NIPAL3: variants seen among roughly 807,000 people sequenced by gnomAD.
NIPAL3 encodes NIPA-like protein 3.
Under a neutral mutation model 47.2 loss-of-function variants are expected in NIPAL3, and 41 were observed. The ratio of observed to expected loss-of-function variants is 0.87; its 90% CI spans 0.68 to 1.13. The LOEUF is 1.13. Ranked by LOEUF, NIPAL3 falls within the 50% of genes most tolerant of loss-of-function variation. The pLI is 0.00. For missense variants in NIPAL3, 449 were observed against 530.1 expected, an observed-to-expected ratio of 0.85 and a Z score of 1.50; for synonymous variants, 194 against 209.6, an observed-to-expected ratio of 0.93 and a Z score of 0.64.
intron 2 of NIPAL3, among the ~76,000 whole-genome samples, chr1:24,423,558 A>AG (rs1179246423): frequency 2.0e-5 from 3 of 152,044 alleles, no homozygotes; most frequent in African/African-American, 7.2e-5. Flanking sequence ...TGAACCCGGG[A>AG]GGCAGAGCTT....
chr1:24,450,373 GTTATT>G (rs1033921801), intron 6 of NIPAL3, among the ~76,000 whole-genome samples: 1 of 152,108 alleles, frequency 6.6e-6, no homozygotes, highest in Admixed American at 6.6e-5. Flanking sequence ...ATTTAAGAAT[GTTATT>G]TTATTTTTTT....
intron 4 of NIPAL3, among the ~76,000 whole-genome samples, chr1:24,444,112 G>T (rs1156287350): frequency 6.6e-6 from 1 of 151,918 alleles, no homozygotes; most frequent in African/African-American, 2.4e-5. Flanking sequence ...AGGTCATCCA[G>T]TGAGGAGTAA....
rs1646095380 is a variant in NIPAL3, at chr1:24,454,375, G to C, written c.637+871G>C. The stretch of plus-strand genomic sequence containing the variant: ...AAGCCACGCTGTCCACTTCTCTAAA[G>C]GGGGGGCCTATGAGAACATCCAAGT... On this transcript the variant is annotated intron_variant, in intron 7 of 11. Transcript: ENST00000374399. This position sits in a 1 kb window ranked among gnomAD's most constrained non-coding sequence, Gnocchi z 4.1. The C allele has an allele frequency of 2.9e-6, 3 of 1,049,126 alleles. No individual in the cohort carries two copies. The highest frequency in any genetic ancestry group is 6.1e-5 in the South Asian group (2 of 33,024). 65.0% of individuals were successfully genotyped at this position (1,049,126 alleles called of 1,614,324 possible).
chr1:24,468,953 G>C (rs779646583), intron 11 of NIPAL3, 33 bp from the exon 12 acceptor site: 28 of 1,608,234 alleles, frequency 1.7e-5, no homozygotes, highest in Non-Finnish European at 2.3e-5. Flanking sequence ...CCCTTACCGC[G>C]TAATGATTTG....
Position 24,456,202 on chromosome 1 carries a change from C to T in NIPAL3, c.702C>T (p.Asn234=). Residue 234 remains asparagine, a synonymous_variant, in exon 8 of 12, where the codon AAC becomes AAT. Coordinates refer to ENST00000374399, the MANE Select transcript of NIPAL3 (RefSeq NM_020448.5). ...TGCTTGTCTTGTCCATTCAAGGGAA[C>T]CTGCAGCTTGACTACCCCATCTTCT... is the stretch of plus-strand genomic sequence containing the variant. The part of the protein sequence containing the change: ...AGMLVLSIQG[N]LQLDYPIFYV... The T allele has an allele frequency of 6.2e-7, 1 of 1,614,228 alleles. No individual in the cohort carries two copies. The highest frequency in any genetic ancestry group is 1.1e-5 in the South Asian group (1 of 91,090).
chr1:24,460,021 A>C (rs560374438), intron 9 of NIPAL3, among the ~76,000 whole-genome samples: 2 of 152,336 alleles, frequency 1.3e-5, no homozygotes, highest in East Asian at 3.9e-4. Flanking sequence ...TGAGGTTAGA[A>C]AGCTCTAACA....
At chr1:24,438,731 G>A (rs1261587126) in intron 2 of NIPAL3, among the ~76,000 whole-genome samples, 4 of 152,236 alleles carry the variant, frequency 2.6e-5, no homozygotes, top group Non-Finnish European at 5.9e-5. Flanking sequence ...CCGCCTTAAA[G>A]AATGGGCAGG....
chr1:24,448,828 A>G (rs1034263643), intron 5 of NIPAL3, among the ~76,000 whole-genome samples: 1 of 152,180 alleles, frequency 6.6e-6, no homozygotes, highest in Non-Finnish European at 1.5e-5. Context: ...AAATGCATAC[A>G]TGTGTTTCTC....
intron 2 of NIPAL3, 39 bp downstream of exon 2, chr1:24,419,679 T>C: frequency 2.5e-6 from 4 of 1,579,508 alleles, no homozygotes; most frequent in Non-Finnish European, 3.5e-6. Flanking sequence ...TGTATTTTCC[T>C]AGCAAGGAAG....
In NIPAL3 at chr1:24,419,388, A is replaced by G. The variant is rs1644207947; in HGVS notation, c.-160A>G. 7.5e-7 allele frequency: 1 copy of G among 1,336,400 alleles called. No homozygotes were observed. Among genetic ancestry groups the G allele is most frequent in the South Asian group, 2.0e-5 (1 of 51,118 alleles). 82.8% of individuals were successfully genotyped at this position (1,336,400 alleles called of 1,614,324 possible). A position where few individuals can be genotyped will look rare whatever the true frequency, so the allele number is the denominator to read the frequency against. ...AGTGAAGCTGAGGAGAAGGCTGTAA[A>G]TCTGCCAAAACAGCCTTGAAGTATT... On this transcript the variant is annotated 5_prime_UTR_variant, in exon 2 of 12. Transcript: ENST00000374399.
intron 11 of NIPAL3, chr1:24,466,022 G>T: frequency 6.2e-7 from 1 of 1,611,890 alleles, no homozygotes; most frequent in South Asian, 1.1e-5. Flanking sequence ...CTTCACAACA[G>T]ACAACTGCTG....
intron 2 of NIPAL3, among the ~76,000 whole-genome samples, chr1:24,424,363 A>T (rs1386393033): frequency 6.6e-6 from 1 of 152,170 alleles, no homozygotes; most frequent in African/African-American, 2.4e-5. Flanking sequence ...GGCTGTGTGG[A>T]TCAATGAAAA....
Position 24,419,591 on chromosome 1 carries a change from C to A in NIPAL3, c.44C>A (p.Pro15His). 6.2e-7 allele frequency: 1 copy of A among 1,614,084 alleles called. No homozygotes were observed. The highest frequency in any genetic ancestry group is 8.5e-7 in the Non-Finnish European group (1 of 1,179,996). The change falls in exon 2 of 12, where the codon CCT becomes CAT. Residue 15 changes from proline (P) to histidine (H), a missense_variant. By Grantham distance (77) the Pro-to-His change is moderately conservative. Transcript: ENST00000374399. ...HSAALKLQQL[P>H]PTSSSSAVSE... The stretch of plus-strand genomic sequence containing the variant: ...GCAGCCCTGAAGCTGCAGCAGCTGC[C>A]TCCCACAAGTAGCTCCAGCGCCGTA...
rs1206212022 is a variant in NIPAL3 at position 24,454,195 on chromosome 1, A to G, written c.637+691A>G. ...GCATGAGGCCCTGTACCTGGCTAGA[A>G]CTGCATATAATTTTATAGCTAAATA... is the stretch of plus-strand genomic sequence containing the variant. On this transcript the variant is annotated intron_variant, in intron 7 of 11. Coordinates refer to ENST00000374399, the MANE Select transcript of NIPAL3 (RefSeq NM_020448.5). This position sits in a 1 kb window ranked among gnomAD's most constrained non-coding sequence, Gnocchi z 4.1. The G allele has an allele frequency of 8.3e-7, 1 of 1,203,914 alleles. No individual in the cohort carries two copies. Among genetic ancestry groups the G allele is most frequent in the African/African-American group, 1.6e-5 (1 of 62,414 alleles). 74.6% of individuals were successfully genotyped at this position (1,203,914 alleles called of 1,614,324 possible).
At chr1:24,420,539 G>A (rs1272454337) in intron 2 of NIPAL3, among the ~76,000 whole-genome samples, 1 of 152,076 alleles carries the variant, frequency 6.6e-6, no homozygotes, top group Non-Finnish European at 1.5e-5. Context: ...AGGTATGTAT[G>A]TATATCACCT....
At chr1:24,450,572 G>A (rs771710586) in intron 6 of NIPAL3, among the ~76,000 whole-genome samples, 2 of 152,094 alleles carry the variant, frequency 1.3e-5, no homozygotes, top group Non-Finnish European at 2.9e-5. Flanking sequence ...CATGCCCTGC[G>A]CTGTGCTAAA....
chr1:24,455,597 T>C (rs1448911919), intron 7 of NIPAL3, among the ~76,000 whole-genome samples: 1 of 151,542 alleles, frequency 6.6e-6, no homozygotes, highest in Non-Finnish European at 1.5e-5. Context: ...GATGGGAGGG[T>C]AGCTTGAGCC....
At chr1:24,460,673 C>T in intron 10 of NIPAL3, 129 bp downstream of exon 10, 1 of 698,194 alleles carries the variant, frequency 1.4e-6, no homozygotes, top group Non-Finnish European at 2.3e-6. Flanking sequence ...GGTTTTGGAG[C>T]TTTGTCCCCA....
intron 2 of NIPAL3, among the ~76,000 whole-genome samples, chr1:24,425,634 C>G (rs1206531587): frequency 6.6e-6 from 1 of 152,020 alleles, no homozygotes; most frequent in African/African-American, 2.4e-5. Context: ...TTTTAGGAGA[C>G]AGAGTCTCCT....
Sources: allele counts gnomAD v4.1 joint callset (sites outside exome capture counted in the v4.1 genomes callset), GRCh38; gene constraint gnomAD v4.1.1; non-coding constraint Gnocchi (gnomAD v3.1); transcripts MANE v1.5; gene names NCBI Gene and HGNC (gene_info 2026-07-23, HGNC 2026-07-21).